Variants in GRIK1 observed in about 807,000 individuals in gnomAD.
GRIK1 encodes the protein glutamate receptor ionotropic, kainate 1.
GRIK1 carries 69 observed loss-of-function variants against 105.7 expected under a neutral mutation model. That is an observed-to-expected ratio of 0.65 (90% CI 0.54 to 0.80). The LOEUF is 0.80. Ranked by LOEUF, GRIK1 falls within the 30% of genes least tolerant of loss-of-function variation. The pLI is 0.00. For missense variants in GRIK1, 1,109 were observed against 1,167.3 expected (o/e 0.95, Z 0.73); for synonymous variants, 438 against 431.3 (o/e 1.02, Z -0.19).
intron 12 of GRIK1, among the ~76,000 whole-genome samples, chr21:29,585,154 C>T (rs1568849691): frequency 6.6e-6 from 1 of 151,864 alleles, no homozygotes; most frequent in Non-Finnish European, 1.5e-5. Context: ...TAAGGGAGGA[C>T]TGGCTTATAA....
chr21:29,568,723 C>T (rs1479548166), intron 14 of GRIK1, among the ~76,000 whole-genome samples: 1 of 152,202 alleles, frequency 6.6e-6, no homozygotes, highest in African/African-American at 2.4e-5. Flanking sequence ...GCCACTACTT[C>T]CTGTCTGCAC....
At chr21:29,599,688 C>T (rs1019488707) in intron 7 of GRIK1, among the ~76,000 whole-genome samples, 1 of 152,160 alleles carries the variant, frequency 6.6e-6, no homozygotes, top group African/African-American at 2.4e-5. Flanking sequence ...TTCCTCCTCC[C>T]CTGCTGTCTG....
intron 3 of GRIK1, among the ~76,000 whole-genome samples, chr21:29,688,526 A>G (rs2063527579): frequency 6.6e-6 from 1 of 152,156 alleles, no homozygotes. Context: ...CTTGGAGAAA[A>G]AAAATTCAGA....
intron 1 of GRIK1, among the ~76,000 whole-genome samples, chr21:29,813,844 A>T (rs1163262048): frequency 6.6e-6 from 1 of 151,750 alleles, no homozygotes; most frequent in African/African-American, 2.4e-5. Context: ...AGATCCACAG[A>T]AGTGAAGTGT....
intron 3 of GRIK1, among the ~76,000 whole-genome samples, chr21:29,684,687 T>G (rs561521969): frequency 6.6e-6 from 1 of 152,250 alleles, no homozygotes; most frequent in East Asian, 1.9e-4. Context: ...TTTTTTTGTA[T>G]TTTTAGTAGA....
chr21:29,673,859 G>A (rs757920206), intron 3 of GRIK1, among the ~76,000 whole-genome samples: 1 of 151,996 alleles, frequency 6.6e-6, no homozygotes, highest in African/African-American at 2.4e-5. Flanking sequence ...AAACATATAC[G>A]TCCAACTAAC....
intron 1 of GRIK1, among the ~76,000 whole-genome samples, chr21:29,794,054 C>T (rs550443649): frequency 3.0e-4 from 46 of 152,238 alleles, no homozygotes; most frequent in Non-Finnish European, 4.4e-4. Flanking sequence ...AATAAAAGGA[C>T]TGTGTTTTCA....
intron 7 of GRIK1, among the ~76,000 whole-genome samples, chr21:29,609,940 C>G (rs76363791): frequency 6.6e-6 from 1 of 152,238 alleles, no homozygotes; most frequent in African/African-American, 2.4e-5. Context: ...AGGAATGTAT[C>G]TGGTTTATTA....
At chr21:29,902,280 T>G (rs1049048168) in intron 1 of GRIK1, among the ~76,000 whole-genome samples, 6 of 152,174 alleles carry the variant, frequency 3.9e-5, no homozygotes, top group Non-Finnish European at 7.3e-5. Flanking sequence ...CAGCGTAGTA[T>G]TGGAAGTTCT....
chr21:29,674,077 G>GTTT (rs914431637), intron 3 of GRIK1, among the ~76,000 whole-genome samples: 6 of 137,944 alleles, frequency 4.3e-5, no homozygotes, highest in Non-Finnish European at 6.3e-5. Flanking sequence ...TTTTTTTGTT[G>GTTT]TTTTTTTTTT....
intron 9 of GRIK1, among the ~76,000 whole-genome samples, chr21:29,593,844 T>C (rs1254279310): frequency 6.6e-6 from 1 of 152,226 alleles, no homozygotes; most frequent in Non-Finnish European, 1.5e-5. Flanking sequence ...AACTTGAACT[T>C]GTAGACAAAT....
chr21:29,582,855 G>C (rs547397427), intron 12 of GRIK1, among the ~76,000 whole-genome samples: 1 of 152,230 alleles, frequency 6.6e-6, no homozygotes, highest in South Asian at 2.1e-4. Flanking sequence ...CACAGAGAAT[G>C]CTCTCCAGCC....
At chr21:29,838,108 G>T (rs186530142) in intron 1 of GRIK1, among the ~76,000 whole-genome samples, 219 of 152,246 alleles carry the variant, frequency 1.4e-3, no homozygotes, top group Admixed American at 3.7e-3. Context: ...TTAATAAGCA[G>T]GTTTGCAAAA....
intron 14 of GRIK1, among the ~76,000 whole-genome samples, chr21:29,574,297 A>G (rs1042152235): frequency 6.6e-6 from 1 of 152,178 alleles, no homozygotes; most frequent in Non-Finnish European, 1.5e-5. Context: ...AAAGAACGGC[A>G]CAGCCTCTTT....
chr21:29,851,799 T>A (rs1277354001), intron 1 of GRIK1, among the ~76,000 whole-genome samples: 3 of 152,060 alleles, frequency 2.0e-5, no homozygotes, highest in Non-Finnish European at 4.4e-5. Context: ...GAACTGGTGA[T>A]CTCTAATTGC....
chr21:29,640,484 C>T (rs570659040), intron 7 of GRIK1, among the ~76,000 whole-genome samples: 1 of 152,126 alleles, frequency 6.6e-6, no homozygotes, highest in African/African-American at 2.4e-5. Flanking sequence ...ATTCATTCCC[C>T]CCTCCCTTCC....
At chr21:29,852,502 T>G (rs764475381) in intron 1 of GRIK1, among the ~76,000 whole-genome samples, 1 of 152,212 alleles carries the variant, frequency 6.6e-6, no homozygotes, top group South Asian at 2.1e-4. Flanking sequence ...ACCTCCATTC[T>G]CTGTACATCT....
intron 1 of GRIK1, among the ~76,000 whole-genome samples, chr21:29,937,084 TTACACACACTCA>T (rs1298218615): frequency 6.6e-6 from 1 of 152,152 alleles, no homozygotes; most frequent in African/African-American, 2.4e-5. Context: ...TTCTTTTTCC[TTACACACACTCA>T]TACACACACA....
intron 1 of GRIK1, among the ~76,000 whole-genome samples, chr21:29,851,486 T>A (rs902784725): frequency 2.6e-5 from 4 of 152,214 alleles, no homozygotes; most frequent in Admixed American, 2.6e-4. Flanking sequence ...TAACATGGCA[T>A]CTTCTAGGAT....
Sources: allele counts gnomAD v4.1 joint callset (sites outside exome capture counted in the v4.1 genomes callset), GRCh38; gene constraint gnomAD v4.1.1; transcripts MANE v1.5; gene names NCBI Gene and HGNC (gene_info 2026-07-23, HGNC 2026-07-21).